LAMC1: variants seen among roughly 807,000 people sequenced by gnomAD.
LAMC1 encodes laminin subunit gamma 1.
Under a neutral mutation model 173.6 loss-of-function variants are expected in LAMC1, and 38 were observed. The ratio of observed to expected loss-of-function variants is 0.22; its 90% CI spans 0.17 to 0.29. The LOEUF (loss-of-function observed/expected upper bound fraction) is 0.29. LAMC1 is among the 10% of genes least tolerant of loss of function. The pLI is 1.00. For synonymous variants in LAMC1, 746 were observed against 749.1 expected (o/e 1.00, Z 0.07); for missense variants, 1,824 against 2,051.8 (o/e 0.89, Z 2.14).
At chr1:183,056,632 T>C (rs1416045501) in intron 1 of LAMC1, among the ~76,000 whole-genome samples, 1 of 152,182 alleles carries the variant, frequency 6.6e-6, no homozygotes, top group African/African-American at 2.4e-5. Context: ...AGGGACCTCG[T>C]AGACCTTGGA....
At chr1:183,076,308 G>A (rs907450248) in intron 1 of LAMC1, among the ~76,000 whole-genome samples, 20 of 152,030 alleles carry the variant, frequency 1.3e-4, no homozygotes, top group East Asian at 3.9e-4. Flanking sequence ...GCTTCCTTTC[G>A]TTTTCCTTTA....
At chr1:183,044,111 G>A (rs913875632) in intron 1 of LAMC1, among the ~76,000 whole-genome samples, 1 of 152,040 alleles carries the variant, frequency 6.6e-6, no homozygotes, top group Admixed American at 6.6e-5. Context: ...GCTTTTGCCT[G>A]TTGTGTTCTG....
intron 1 of LAMC1, among the ~76,000 whole-genome samples, chr1:183,052,843 A>T (rs1654468243): frequency 6.6e-6 from 1 of 152,202 alleles, no homozygotes; most frequent in Admixed American, 6.5e-5. Context: ...TTTGGGTTAA[A>T]TAAAACCCTT....
intron 1 of LAMC1, among the ~76,000 whole-genome samples, chr1:183,043,313 AC>A (rs1480658784): frequency 6.6e-6 from 1 of 152,210 alleles, no homozygotes; most frequent in Non-Finnish European, 1.5e-5. Context: ...TCATAGCCTC[AC>A]ACTAGGTCAT....
rs186614749 is a variant in LAMC1, at chr1:183,071,774, C to T, written c.419-31554C>T. ...ACCCTCAAGCATAGTGCTGAAGTGCCGTCTTAAGTTCCCAAACACAAGAAG... is the reference window on the plus strand; with the variant it reads ...ACCCTCAAGCATAGTGCTGAAGTGCTGTCTTAAGTTCCCAAACACAAGAAG... On this transcript the variant is annotated intron_variant, in intron 1 of 27. Transcript: ENST00000258341. Among the ~76,000 whole-genome samples the T allele has an allele frequency of 2.5e-3, 381 of 152,238 alleles. 4 individuals are homozygous for T. Among genetic ancestry groups the T allele is most frequent in the African/African-American group, 7.9e-3 (327 of 41,528 alleles).
At chr1:183,117,989 G>A (rs757223456) in intron 10 of LAMC1, 45 bp from the exon 11 acceptor site, 4 of 1,142,570 alleles carry the variant, frequency 3.5e-6, no homozygotes, top group Non-Finnish European at 5.2e-6. Context: ...CCAACATCCA[G>A]AATTGTCCTT....
At chr1:183,131,459 G>T in intron 20 of LAMC1, 81 bp downstream of exon 20, 1 of 916,388 alleles carries the variant, frequency 1.1e-6, no homozygotes, top group Non-Finnish European at 1.7e-6. Flanking sequence ...GTGTGTGTGT[G>T]TATTGTCTTA....
chr1:183,031,710 G>T (rs1488459883), intron 1 of LAMC1, among the ~76,000 whole-genome samples: 4 of 152,094 alleles, frequency 2.6e-5, no homozygotes, highest in Non-Finnish European at 5.9e-5. Flanking sequence ...AGAGCTGTTT[G>T]TTTATTTTTA....
At chr1:183,117,768 A>T (rs1364589334) in intron 10 of LAMC1, 45 bp downstream of exon 10, 10 of 1,526,552 alleles carry the variant, frequency 6.6e-6, no homozygotes, top group Non-Finnish European at 9.0e-6. Context: ...GAACATTGTG[A>T]AAGTGGTGTC....
intron 1 of LAMC1, among the ~76,000 whole-genome samples, chr1:183,054,236 T>C (rs183360945): frequency 1.3e-5 from 2 of 152,320 alleles, no homozygotes; most frequent in East Asian, 3.9e-4. Flanking sequence ...CTTAGATTAA[T>C]TTAATCCTCA....
intron 1 of LAMC1, among the ~76,000 whole-genome samples, chr1:183,084,058 A>G (rs933033202): frequency 2.4e-4 from 36 of 152,216 alleles, no homozygotes; most frequent in African/African-American, 8.0e-4. Flanking sequence ...AGTATTCTTT[A>G]AAAAGCATAT....
At chr1:183,079,587 G>T (rs145489330) in intron 1 of LAMC1, among the ~76,000 whole-genome samples, 1 of 152,010 alleles carries the variant, frequency 6.6e-6, no homozygotes, top group Non-Finnish European at 1.5e-5. Flanking sequence ...GCCACTGCAC[G>T]TGCCCAGCCC....
Position 183,142,756 on chromosome 1 carries a change from G to C in LAMC1, c.4796G>C (p.Gly1599Ala). ...LEDIRKTLPS[G>A]CFNTPSIEKP ...GACATCAGGAAGACCTTACCATCTG[G>C]CTGCTTCAACACCCCGTCCATTGAA... Residue 1599 changes from glycine (G) to alanine (A), a missense_variant, in exon 28 of 28, where the codon GGC (glycine) becomes GCC (alanine). Physicochemically the swap from Gly to Ala is moderately conservative, Grantham distance 60. Transcript: ENST00000258341. The C allele has an allele frequency of 6.2e-7, 1 of 1,613,696 alleles. No homozygotes were observed.
At chr1:183,109,578 G>A (rs1343594430) in intron 3 of LAMC1, among the ~76,000 whole-genome samples, 2 of 152,148 alleles carry the variant, frequency 1.3e-5, no homozygotes, top group African/African-American at 4.8e-5. Flanking sequence ...AGGTCATGGG[G>A]GACATCAAAG....
At chr1:183,071,618 T>A (rs1458515776) in intron 1 of LAMC1, among the ~76,000 whole-genome samples, 3 of 152,170 alleles carry the variant, frequency 2.0e-5, no homozygotes, top group Non-Finnish European at 2.9e-5. Flanking sequence ...TCAGCTGAAG[T>A]AAAAGGAGGT....
At chr1:183,110,976 G>T (rs1656133059) in intron 4 of LAMC1, among the ~76,000 whole-genome samples, 1 of 152,134 alleles carries the variant, frequency 6.6e-6, no homozygotes, top group African/African-American at 2.4e-5. Context: ...AGTCGTATTT[G>T]TTCCCCTTTA....
At chr1:183,115,918 A>C (rs918373989) in intron 6 of LAMC1, among the ~76,000 whole-genome samples, 2 of 152,110 alleles carry the variant, frequency 1.3e-5, no homozygotes, top group Non-Finnish European at 2.9e-5. Context: ...AGGTGGCTGG[A>C]TCACGAGGTC....
In LAMC1 at chr1:183,126,268, G is replaced by A. The variant is rs144411060; in HGVS notation, c.2944+6G>A. ...TGGACCTGAAGGCTGCAAACGTAAG[G>A]GGTGTTGGTGGCATACAACTCTAAG... On this transcript the variant is annotated splice_donor_region_variant and intron_variant, in intron 16 of 27. Coordinates refer to ENST00000258341, the MANE Select transcript of LAMC1 (RefSeq NM_002293.4). 2.1e-3 allele frequency: 3,459 copies of A among 1,612,108 alleles called. 27 individuals carry two copies. In the Middle Eastern group the frequency reaches 0.039, roughly 18 times the overall value.
At chr1:183,079,232 GTTTTTTTTTTTTTTTTTTTTTTTT>G (rs796732672) in intron 1 of LAMC1, among the ~76,000 whole-genome samples, 24 of 62,840 alleles carry the variant, frequency 3.8e-4, no homozygotes, top group African/African-American at 7.2e-4. Context: ...CTCTAATCTG[GTTTTTTTTTTTTTTTTTTTTTTTT>G]TTTTTTTTTT....
Sources: allele counts gnomAD v4.1 joint callset (sites outside exome capture counted in the v4.1 genomes callset), GRCh38; gene constraint gnomAD v4.1.1; transcripts MANE v1.5; gene names NCBI Gene and HGNC (gene_info 2026-07-23, HGNC 2026-07-21).